DCBLD1: variants seen among roughly 807,000 people sequenced by gnomAD.
DCBLD1 encodes discoidin, CUB and LCCL domain-containing protein 1.
DCBLD1 carries 57 observed loss-of-function variants against 71.5 expected under a neutral mutation model. That is an observed-to-expected ratio of 0.80 (90% CI 0.64 to 0.99). The LOEUF is 0.99. Ranked by LOEUF, DCBLD1 falls within the 50% of genes least tolerant of loss-of-function variation. DCBLD1 has a pLI of 0.00. For missense variants in DCBLD1, 891 were observed against 923.5 expected (o/e 0.96, Z 0.46); for synonymous variants, 380 against 363.8 (o/e 1.04, Z -0.51).
intron 7 of DCBLD1, among the ~76,000 whole-genome samples, chr6:117,537,631 T>C (rs1206998483): frequency 6.7e-6 from 1 of 148,732 alleles, no homozygotes; most frequent in African/African-American, 2.5e-5. Flanking sequence ...TGTTTTTTTT[T>C]TTTTTCCTTT....
chr6:117,556,008 A>G (rs2114588867), intron 14 of DCBLD1, among the ~76,000 whole-genome samples: 1 of 152,278 alleles, frequency 6.6e-6, no homozygotes, highest in East Asian at 1.9e-4. Context: ...TGATCTTCAC[A>G]GGAGTATTTT....
chr6:117,562,334 T>C (rs1779600785), intron 14 of DCBLD1: 1 of 200,786 alleles, frequency 5.0e-6, no homozygotes, highest in African/African-American at 2.3e-5. Flanking sequence ...CTGTGTTTCA[T>C]GACATAGTAA....
At chr6:117,533,739 G>A (rs1221341569) in intron 6 of DCBLD1, among the ~76,000 whole-genome samples, 1 of 152,190 alleles carries the variant, frequency 6.6e-6, no homozygotes, top group Non-Finnish European at 1.5e-5. Flanking sequence ...CTGAAGTTAA[G>A]GGAGATTACA....
At chr6:117,534,399 G>C (rs1778819922) in intron 6 of DCBLD1, among the ~76,000 whole-genome samples, 1 of 152,126 alleles carries the variant, frequency 6.6e-6, no homozygotes, top group Non-Finnish European at 1.5e-5. Flanking sequence ...ACTTGAACTT[G>C]ACTTTTGAGA....
intron 14 of DCBLD1, among the ~76,000 whole-genome samples, chr6:117,555,317 T>C (rs1210267132): frequency 6.6e-6 from 1 of 152,226 alleles, no homozygotes; most frequent in Non-Finnish European, 1.5e-5. Flanking sequence ...CTCCCTTTTT[T>C]CATGACTAGT....
intron 11 of DCBLD1, among the ~76,000 whole-genome samples, chr6:117,542,527 G>C (rs1283807350): frequency 1.3e-5 from 2 of 152,112 alleles, no homozygotes; most frequent in African/African-American, 4.8e-5. Context: ...CTGTCAAAGT[G>C]TCCTTTTTTT....
intron 11 of DCBLD1, 72 bp from the exon 12 acceptor site, chr6:117,543,052 T>G (rs1779152350): frequency 3.1e-6 from 4 of 1,269,960 alleles, no homozygotes; most frequent in Admixed American, 1.7e-5. Flanking sequence ...CAATTCCATG[T>G]TCAGTTTTAA....
intron 14 of DCBLD1, among the ~76,000 whole-genome samples, chr6:117,565,381 ATAT>A (rs1237449777): frequency 6.6e-6 from 1 of 152,198 alleles, no homozygotes; most frequent in Non-Finnish European, 1.5e-5. Context: ...TTGTTCTCTG[ATAT>A]TATACAAAAA....
At chr6:117,516,826 A>C (rs1224968152) in intron 2 of DCBLD1, among the ~76,000 whole-genome samples, 2 of 152,170 alleles carry the variant, frequency 1.3e-5, no homozygotes, top group African/African-American at 4.8e-5. Flanking sequence ...AAACCATCAG[A>C]TCTCATGAGA....
At chr6:117,568,325 G>A (rs1779740244) in intron 14 of DCBLD1, among the ~76,000 whole-genome samples, 1 of 152,196 alleles carries the variant, frequency 6.6e-6, no homozygotes, top group South Asian at 2.1e-4. Flanking sequence ...TGAAAACTAT[G>A]GCTTGCCTTT....
chr6:117,542,693 T>A (rs1562122441), intron 11 of DCBLD1, among the ~76,000 whole-genome samples: 1 of 151,312 alleles, frequency 6.6e-6, no homozygotes, highest in Non-Finnish European at 1.5e-5. Flanking sequence ...ATGGTACAGG[T>A]CCAAACCCGC....
chr6:117,547,867 G>GTGTGGT (rs2114576347), intron 14 of DCBLD1, 40 bp from the exon 15 acceptor site: 3 of 1,550,262 alleles, frequency 1.9e-6, no homozygotes, highest in Non-Finnish European at 2.6e-6. Flanking sequence ...GCCGGCCCGT[G>GTGTGGT]TGTGGTGCCC....
At position 117,539,271 on chromosome 6, in the gene DCBLD1, A is replaced by G. The variant is rs750144357; in HGVS notation, c.993A>G (p.Gly331=). ...KKKITGIRTT[G]STQSNFNFYV... is the part of the protein sequence containing the mutation. ...TCTTACAAGGAATTAGGACCACAGG[A>G]TCTACACAGTCGAACTTCAACTTTT... The change falls in exon 9 of 15, where the codon GGA becomes GGG. Residue 331 remains glycine, a synonymous_variant. Coordinates refer to ENST00000338728, the MANE Select transcript of DCBLD1 (RefSeq NM_001366458.2). 2.5e-6 allele frequency: 4 copies of G among 1,600,188 alleles called. No individual in the cohort carries two copies. The East Asian group carries it at 6.7e-5, about 27-fold the overall frequency.
Position 117,548,820 on chromosome 6 carries a change from T to A in DCBLD1, c.*381T>A, listed in dbSNP as rs1225083985. ...ATCAGATTTTAGTTCTGCACAGAGGTTAAGTGGGAAAATGCAGCTGTTGCA... is the reference window on the plus strand; with the variant it reads ...ATCAGATTTTAGTTCTGCACAGAGGATAAGTGGGAAAATGCAGCTGTTGCA... On this transcript the variant is annotated 3_prime_UTR_variant, in exon 15 of 15. Coordinates refer to ENST00000338728, the MANE Select transcript of DCBLD1 (RefSeq NM_001366458.2). 1.9e-6 allele frequency: 2 copies of A among 1,070,154 alleles called. No individual in the cohort carries two copies. Among genetic ancestry groups the A allele is most frequent in the Non-Finnish European group, 2.3e-6 (2 of 883,792 alleles). 66.3% of individuals were successfully genotyped at this position (1,070,154 alleles called of 1,614,324 possible). A position where few individuals can be genotyped will look rare whatever the true frequency, so the allele number is the denominator to read the frequency against.
At chr6:117,486,373 A>T (rs1562424122) in intron 1 of DCBLD1, among the ~76,000 whole-genome samples, 1 of 152,320 alleles carries the variant, frequency 6.6e-6, no homozygotes, top group East Asian at 1.9e-4. Flanking sequence ...TATTAGAGCA[A>T]TTAGTTGTTT....
intron 2 of DCBLD1, among the ~76,000 whole-genome samples, chr6:117,504,696 A>C (rs1339008489): frequency 6.6e-6 from 1 of 152,218 alleles, no homozygotes; most frequent in Non-Finnish European, 1.5e-5. Flanking sequence ...TTGTGCTTTG[A>C]GATGTGCTGT....
At chr6:117,519,105 T>A (rs1778301790) in intron 2 of DCBLD1, among the ~76,000 whole-genome samples, 1 of 152,198 alleles carries the variant, frequency 6.6e-6, no homozygotes. Flanking sequence ...AAACTTCAGT[T>A]TGAGTAGTCT....
intron 4 of DCBLD1, among the ~76,000 whole-genome samples, chr6:117,523,175 A>C (rs1778439176): frequency 1.3e-5 from 2 of 152,188 alleles, no homozygotes. Flanking sequence ...TCTCCTAAAG[A>C]AAGGGAATAT....
At chr6:117,511,323 C>G (rs1447790887) in intron 2 of DCBLD1, among the ~76,000 whole-genome samples, 9 of 152,100 alleles carry the variant, frequency 5.9e-5, no homozygotes, top group Admixed American at 1.3e-4. Flanking sequence ...GTTTTTTAGT[C>G]AAAATGCTAA....
Sources: gnomAD v4.1 joint callset for allele counts (sites outside exome capture counted in the v4.1 genomes callset) on GRCh38, gnomAD v4.1.1 for gene constraint, MANE v1.5 for transcripts, NCBI Gene and HGNC (gene_info 2026-07-23, HGNC 2026-07-21) for gene names.